Variants in WFDC11 observed in about 807,000 individuals in gnomAD.
The protein encoded by WFDC11 is protein WFDC11.
A neutral mutation model predicts 9.9 loss-of-function variants in WFDC11; 9 were observed. That is an observed-to-expected ratio of 0.91 (90% CI 0.55 to 1.58). WFDC11 has a LOEUF of 1.58. WFDC11 is among the 40% of genes most tolerant of loss of function. The probability of loss-of-function intolerance (pLI) is 0.00; values close to 1 mark genes in which losing one functional copy is unlikely to be tolerated. For missense variants in WFDC11, 106 were observed against 101.7 expected (o/e 1.04, Z -0.18); for synonymous variants, 32 against 33.3 (o/e 0.96, Z 0.13).
chr20:45,666,650 A>T lies in WFDC11; in HGVS notation c.-52+438T>A, dbSNP rs899550482. Among the ~76,000 whole-genome samples, 9 of 152,252 alleles carry T rather than the reference A, an allele frequency of 5.9e-5. 1 individual carries two copies. The highest frequency in any genetic ancestry group is 1.2e-4 in the Non-Finnish European group (8 of 68,038). ...AACTTTGTTAAATTTAACCTTGATCAAACATACTTTTATCTATTCTATCAT... is the reference window on the plus strand; with the variant it reads ...AACTTTGTTAAATTTAACCTTGATCTAACATACTTTTATCTATTCTATCAT... On this transcript the variant is annotated intron_variant, in intron 2 of 4. Coordinates refer to ENST00000324384, the MANE Select transcript of WFDC11 (RefSeq NM_147197.2).
At chr20:45,649,981 G>A (rs536045911) in intron 3 of WFDC11, among the ~76,000 whole-genome samples, 1 of 152,146 alleles carries the variant, frequency 6.6e-6, no homozygotes, top group African/African-American at 2.4e-5. Flanking sequence ...GCCCCACTAA[G>A]AAGGGATCTC....
At chr20:45,650,719 T>C in intron 2 of WFDC11, 68 bp from the exon 3 acceptor site, 1 of 828,176 alleles carries the variant, frequency 1.2e-6, no homozygotes, top group Non-Finnish European at 2.0e-6. Flanking sequence ...GTCGAATTTC[T>C]TCATTCTTTA....
At chr20:45,662,858 C>G (rs1283867144) in intron 2 of WFDC11, among the ~76,000 whole-genome samples, 1 of 152,150 alleles carries the variant, frequency 6.6e-6, no homozygotes, top group Non-Finnish European at 1.5e-5. Context: ...CAATGTTCAT[C>G]AGGGATATTG....
intron 3 of WFDC11, 80 bp downstream of exon 3, chr20:45,650,421 G>A: frequency 5.2e-6 from 6 of 1,159,236 alleles, no homozygotes; most frequent in Non-Finnish European, 7.7e-6. Flanking sequence ...GTCAGATACA[G>A]CGGACAATGA....
At chr20:45,665,931 T>C (rs1983179164) in intron 2 of WFDC11, among the ~76,000 whole-genome samples, 1 of 152,234 alleles carries the variant, frequency 6.6e-6, no homozygotes, top group African/African-American at 2.4e-5. Flanking sequence ...AACACCATGC[T>C]GGGAGAACCA....
rs541628166 is a variant in WFDC11, at chr20:45,662,661, G to T, written c.-52+4427C>A. Among the ~76,000 whole-genome samples the T allele has an allele frequency of 4.6e-5, 7 of 152,302 alleles. No homozygotes were observed. The East Asian group carries it at 1.2e-3, about 25-fold the overall frequency. ...TGAATTTTTGTCAAAGGCCTTTTCT[G>T]CATCTATTGAGATAATCATGTGGTT... On this transcript the variant is annotated intron_variant, in intron 2 of 4. Transcript: ENST00000324384.
At position 45,650,670 on chromosome 20, in the gene WFDC11, A is replaced by G. The variant is rs41280268; in HGVS notation, c.-51-19T>C. ...GTCGCTGCTAGAGATCAAGACATAT[A>G]AATAGGGAAAGAGAGGTGTGAAGCA... On this transcript the variant is annotated intron_variant, in intron 2 of 4. Coordinates refer to ENST00000324384, the MANE Select transcript of WFDC11 (RefSeq NM_147197.2). 2.2e-4 allele frequency: 281 copies of G among 1,291,246 alleles called. 1 individual carries two copies. Among genetic ancestry groups the G allele is most frequent in the Non-Finnish European group, 3.0e-4 (266 of 889,998 alleles). The allele number at this position is 1,291,246 out of a possible 1,614,324, so 80.0% of individuals were successfully genotyped here.
intron 2 of WFDC11, among the ~76,000 whole-genome samples, chr20:45,651,949 T>G (rs543280221): frequency 1.3e-5 from 2 of 152,298 alleles, no homozygotes; most frequent in South Asian, 2.1e-4. Flanking sequence ...AAACATGAAC[T>G]GGGTGGAGGC....
intron 2 of WFDC11, among the ~76,000 whole-genome samples, chr20:45,661,789 G>C: frequency 6.7e-6 from 1 of 150,000 alleles, no homozygotes; most frequent in East Asian, 2.0e-4. Context: ...CTCCGTTTTG[G>C]TACCAGTACC....
intron 2 of WFDC11, among the ~76,000 whole-genome samples, chr20:45,656,780 A>T (rs1982943176): frequency 6.6e-6 from 1 of 152,258 alleles, no homozygotes; most frequent in South Asian, 2.1e-4. Context: ...AAGGATATGA[A>T]CAGACACTTC....
At chr20:45,653,872 A>G (rs1306627137) in intron 2 of WFDC11, among the ~76,000 whole-genome samples, 2 of 152,236 alleles carry the variant, frequency 1.3e-5, no homozygotes, top group Non-Finnish European at 2.9e-5. Context: ...ATTCAACAAG[A>G]AGAGCTAACT....
intron 2 of WFDC11, among the ~76,000 whole-genome samples, chr20:45,666,332 G>T (rs778187370): frequency 3.3e-5 from 5 of 152,184 alleles, no homozygotes; most frequent in African/African-American, 4.8e-5. Flanking sequence ...ATCTGTCACG[G>T]CTTCCCTTGG....
chr20:45,657,867 TTACAAAATTC>T (rs1982970590), intron 2 of WFDC11, among the ~76,000 whole-genome samples: 1 of 152,194 alleles, frequency 6.6e-6, no homozygotes, highest in Non-Finnish European at 1.5e-5. Context: ...AAGTGTTAGC[TTACAAAATTC>T]TTAAAACATA....
At chr20:45,664,935 G>A (rs182064372) in intron 2 of WFDC11, among the ~76,000 whole-genome samples, 80 of 151,940 alleles carry the variant, frequency 5.3e-4, no homozygotes, top group African/African-American at 1.7e-3. Context: ...TGATGTTCTC[G>A]TATTTCCTGA....
At chr20:45,662,840 T>A (rs1251035170) in intron 2 of WFDC11, among the ~76,000 whole-genome samples, 1 of 152,190 alleles carries the variant, frequency 6.6e-6, no homozygotes, top group Non-Finnish European at 1.5e-5. Flanking sequence ...TATTGAGGAT[T>A]TTTGCAGCAA....
At chr20:45,650,996 C>T (rs1982793923) in intron 2 of WFDC11, among the ~76,000 whole-genome samples, 1 of 152,134 alleles carries the variant, frequency 6.6e-6, no homozygotes, top group Non-Finnish European at 1.5e-5. Context: ...GTTTGTTGTA[C>T]AGATTATTTC....
chr20:45,663,158 T>G (rs541914772), intron 2 of WFDC11, among the ~76,000 whole-genome samples: 1 of 152,314 alleles, frequency 6.6e-6, no homozygotes, highest in Admixed American at 6.5e-5. Flanking sequence ...GGAGGGTGTA[T>G]GTGTCCAGGA....
intron 1 of WFDC11, among the ~76,000 whole-genome samples, chr20:45,669,044 T>C (rs945895569): frequency 6.6e-6 from 1 of 152,140 alleles, no homozygotes; most frequent in Non-Finnish European, 1.5e-5. Flanking sequence ...ATTTCCTTCA[T>C]CTTGACCCTG....
chr20:45,661,243 CA>C (rs1352059804), intron 2 of WFDC11, among the ~76,000 whole-genome samples: 1 of 152,008 alleles, frequency 6.6e-6, no homozygotes, highest in Non-Finnish European at 1.5e-5. Flanking sequence ...TCATGTCCTT[CA>C]CCCACTTTTT....
Sources: allele counts gnomAD v4.1 joint callset (sites outside exome capture counted in the v4.1 genomes callset), GRCh38; gene constraint gnomAD v4.1.1; transcripts MANE v1.5; gene names NCBI Gene and HGNC (gene_info 2026-07-23, HGNC 2026-07-21).